ZNF347: variants seen among roughly 807,000 people sequenced by gnomAD.
The protein encoded by ZNF347 is CTD-2620I22.7.
Under a neutral mutation model 12.9 loss-of-function variants are expected in ZNF347, and 19 were observed. The ratio of observed to expected loss-of-function variants is 1.47; its 90% confidence interval spans 1.03 to 2.16. The LOEUF (loss-of-function observed/expected upper bound fraction) is 2.16, where lower values mean the gene tolerates loss of function less well. ZNF347 is among the 30% of genes most tolerant of loss of function. The pLI, the probability that ZNF347 is intolerant of heterozygous loss-of-function variation, is 0.00. For missense variants in ZNF347, 1,005 were observed against 990.6 expected, an observed-to-expected ratio of 1.01 and a Z score of -0.19; for synonymous variants, 328 against 340.6, an observed-to-expected ratio of 0.96 and a Z score of 0.41.
At chr19:53,147,999 G>GA (rs1263771946) in intron 4 of ZNF347, among the ~76,000 whole-genome samples, 2 of 152,204 alleles carry the variant, frequency 1.3e-5, no homozygotes, top group East Asian at 3.9e-4. Context: ...CTTGGGTACA[G>GA]AAAAAACATA....
Position 53,140,593 on chromosome 19 carries a change from G to C in ZNF347, c.2235C>G (p.Val745=). 2 of 1,613,648 alleles carry C rather than the reference G, an allele frequency of 1.2e-6. No homozygotes were observed. The highest frequency in any genetic ancestry group is 1.7e-6 in the Non-Finnish European group (2 of 1,179,904). ...TTGCAAGGTGTGAATTCTGAGTGAA[G>C]ACCTTCCCACACTCATTGCATTTGT... ...KPYKCNECGK[V]FTQNSHLARH... is the part of the protein sequence containing the mutation. Residue 745 remains valine (V), a synonymous_variant, in exon 5 of 5, where the codon GTC becomes GTG. Transcript: ENST00000334197.
chr19:53,149,574 T>C, intron 2 of ZNF347: 1 of 960,618 alleles, frequency 1.0e-6, no homozygotes. Flanking sequence ...TGTAAGCTAA[T>C]GAGATGACTG....
chr19:53,158,275 G>A (rs1268797016), intron 1 of ZNF347, among the ~76,000 whole-genome samples: 1 of 152,174 alleles, frequency 6.6e-6, no homozygotes, highest in Non-Finnish European at 1.5e-5. Context: ...GAGGTGGCGG[G>A]GCGACGGCGC....
Position 53,141,754 on chromosome 19 carries a change from T to G in ZNF347, c.1074A>C (p.Ser358=). ...GAATTCCTCGATGTCTTACAAGGTG[T>G]GAATTCTGAGTGAAGACCTTGCCAC... ...NECGKVFTQN[S]HLVRHRGIHT... The change falls in exon 5 of 5, where the codon TCA becomes TCC. Residue 358 remains serine (S), a synonymous_variant. Transcript: ENST00000334197. The G allele has an allele frequency of 6.2e-7, 1 of 1,613,818 alleles. No individual in the cohort carries two copies. Among genetic ancestry groups the G allele is most frequent in the Non-Finnish European group, 8.5e-7 (1 of 1,179,828 alleles).
rs201024154 is a variant in ZNF347, at chr19:53,141,886, T to G, written c.942A>C (p.Glu314Asp). ...LTTHQVIHTG[E>D]KRYKCNECGK... Reference sequence around the variant, plus strand: ...CACACTCATTACATTTGTAACGTTTTTCGCCAGTATGGATCACCTGATGGG... The same window carrying G: ...CACACTCATTACATTTGTAACGTTTGTCGCCAGTATGGATCACCTGATGGG... The change falls in exon 5 of 5, where the codon GAA becomes GAC. Residue 314 changes from glutamate (E) to aspartate (D), a missense_variant. Coordinates refer to ENST00000334197, the MANE Select transcript of ZNF347 (RefSeq NM_032584.3). The G allele has an allele frequency of 3.2e-5, 52 of 1,613,932 alleles. No homozygotes were observed. Among genetic ancestry groups the G allele is most frequent in the Non-Finnish European group, 4.0e-5 (47 of 1,179,970 alleles).
Position 53,138,977 on chromosome 19 carries a change from A to AC in ZNF347, c.*1330dup, listed in dbSNP as rs1395044522. 6.6e-6 allele frequency: 1 copy of AC among 152,104 alleles called. No individual in the cohort carries two copies. Among genetic ancestry groups the AC allele is most frequent in the African/African-American group, 2.4e-5 (1 of 41,402 alleles). 9.4% of individuals were successfully genotyped at this position (152,104 alleles called of 1,614,324 possible). A position where few individuals can be genotyped will look rare whatever the true frequency, so the allele number is the denominator to read the frequency against. On this transcript the variant is annotated 3_prime_UTR_variant, in exon 5 of 5. Coordinates refer to ENST00000334197, the MANE Select transcript of ZNF347 (RefSeq NM_032584.3). ...TCTGACCAAGCTCTCCACTCTAATA[A>AC]CTGTTACCTCTTCAATTTCAAAAAT... is the stretch of plus-strand genomic sequence containing the variant.
chr19:53,149,343 C>T lies in ZNF347; in HGVS notation c.40G>A (p.Ala14Thr), dbSNP rs770192350. ...TQGQVTFRDV[A>T]IEFSQEEWTC... ...CACTCCTCCTGAGAGAATTCTATAG[C>T]CACATCCCTGAATGTCACCTGTCCC... is the stretch of plus-strand genomic sequence containing the variant. Residue 14 changes from alanine (A) to threonine (T), a missense_variant, in exon 3 of 5, where the codon GCT becomes ACT. By Grantham distance (58) the Ala-to-Thr change is moderately conservative. Coordinates refer to ENST00000334197, the MANE Select transcript of ZNF347 (RefSeq NM_032584.3). 3 of 1,613,778 alleles carry T rather than the reference C, an allele frequency of 1.9e-6. No homozygotes were observed. In the African/African-American group the frequency reaches 4.0e-5, roughly 22 times the overall value.
Position 53,156,482 on chromosome 19 carries a change from C to G in ZNF347, c.-47+2527G>C, listed in dbSNP as rs113258353. 5.4e-3 allele frequency among the ~76,000 whole-genome samples: 816 copies of G among 152,142 alleles called. 8 individuals carry two copies. Among genetic ancestry groups the G allele is most frequent in the Non-Finnish European group, 6.1e-3 (417 of 68,010 alleles). ...CTAAAACTGCCCCTCACTTCAGACA[C>G]AGTATGCCAGTGGTAACTGTCACTT... On this transcript the variant is annotated intron_variant, in intron 1 of 4. Transcript: ENST00000334197.
In ZNF347 at chr19:53,141,116, C is replaced by T. The variant is rs377191852; in HGVS notation, c.1712G>A (p.Cys571Tyr). ...VIHTGEKPYK[C>Y]NECGKVFTQN... ...AGTGAAGACCTTGCCACACTCATTA[C>T]ATTTGTAAGGTTTTTCTCCAGTATG... Residue 571 changes from cysteine to tyrosine, a missense_variant, in exon 5 of 5, where the codon TGT (cysteine) becomes TAT (tyrosine). Cys to Tyr is a radical substitution (Grantham distance 194). Coordinates refer to ENST00000334197, the MANE Select transcript of ZNF347 (RefSeq NM_032584.3). The T allele has an allele frequency of 2.2e-5, 36 of 1,613,960 alleles. No homozygotes were observed. The highest frequency in any genetic ancestry group is 1.9e-5 in the Non-Finnish European group (23 of 1,180,034).
In ZNF347 at chr19:53,136,226, A is replaced by C. The variant is rs1287974735; in HGVS notation, c.*4082T>G. ...AATTGAACTAAAGATTTACAAGGAC[A>C]CTCCATTTTCCTATTTACAGAGAAC... On this transcript the variant is annotated 3_prime_UTR_variant, in exon 5 of 5. Transcript: ENST00000334197. 6.7e-6 allele frequency: 1 copy of C among 148,310 alleles called. No individual in the cohort carries two copies. Among genetic ancestry groups the C allele is most frequent in the Non-Finnish European group, 1.5e-5 (1 of 67,204 alleles). 9.2% of individuals were successfully genotyped at this position (148,310 alleles called of 1,614,324 possible). A position where few individuals can be genotyped will look rare whatever the true frequency, so the allele number is the denominator to read the frequency against.
At chr19:53,152,062 C>A in intron 2 of ZNF347, among the ~76,000 whole-genome samples, 1 of 121,628 alleles carries the variant, frequency 8.2e-6, no homozygotes, top group Admixed American at 1.0e-4. Flanking sequence ...CACTGCACTC[C>A]AGCCTGGGTG....
chr19:53,151,310 C>A (rs909328439), intron 2 of ZNF347, among the ~76,000 whole-genome samples: 1 of 151,940 alleles, frequency 6.6e-6, no homozygotes, highest in Admixed American at 6.6e-5. Context: ...TCGAGGCAGG[C>A]AGATCACGAG....
chr19:53,146,017 C>A (rs1455005022), intron 4 of ZNF347, among the ~76,000 whole-genome samples: 1 of 151,652 alleles, frequency 6.6e-6, no homozygotes, highest in Non-Finnish European at 1.5e-5. Flanking sequence ...CTCTTGTTGC[C>A]TGGGCTGGAA....
Position 53,149,387 on chromosome 19 carries a change from C to T in ZNF347, c.16-20G>A, listed in dbSNP as rs1440502865. 10 of 1,612,994 alleles carry T rather than the reference C, an allele frequency of 6.2e-6. No homozygotes were observed. Among genetic ancestry groups the T allele is most frequent in the Non-Finnish European group, 8.5e-6 (10 of 1,179,358 alleles). On this transcript the variant is annotated intron_variant, in intron 2 of 4. Transcript: ENST00000334197. ...CTGTCCCTAAAATGAAAAACACATCCACCAGGGGGATATAAGGAAAAGCTC... is the reference window on the plus strand; with the variant it reads ...CTGTCCCTAAAATGAAAAACACATCTACCAGGGGGATATAAGGAAAAGCTC...
chr19:53,157,002 G>A (rs1434801553), intron 1 of ZNF347, among the ~76,000 whole-genome samples: 2 of 152,194 alleles, frequency 1.3e-5, no homozygotes, highest in East Asian at 1.9e-4. Flanking sequence ...AGTGTGACAG[G>A]AAAGAAAATC....
intron 1 of ZNF347, among the ~76,000 whole-genome samples, chr19:53,157,309 A>C (rs1197900296): frequency 1.3e-5 from 2 of 152,300 alleles, no homozygotes; most frequent in East Asian, 1.9e-4. Flanking sequence ...TGTCATCATC[A>C]CATCTAATCA....
intron 1 of ZNF347, 74 bp from the exon 2 acceptor site, chr19:53,153,867 A>C: frequency 9.0e-7 from 1 of 1,112,012 alleles, no homozygotes; most frequent in South Asian, 1.3e-5. Flanking sequence ...CTCAGAATCA[A>C]CACATCCCCT....
At chr19:53,147,618 C>T (rs2090471623) in intron 4 of ZNF347, among the ~76,000 whole-genome samples, 1 of 151,680 alleles carries the variant, frequency 6.6e-6, no homozygotes, top group Non-Finnish European at 1.5e-5. Flanking sequence ...AATACTAATT[C>T]TACTCAAACC....
At chr19:53,142,622 A>G (rs1366338333) in intron 4 of ZNF347, 66 bp from the exon 5 acceptor site, 1 of 1,242,336 alleles carries the variant, frequency 8.0e-7, no homozygotes, top group Non-Finnish European at 1.1e-6. Flanking sequence ...TTTTACACCG[A>G]AAAACAATAT....
Sources: gnomAD v4.1 joint callset for allele counts (sites outside exome capture counted in the v4.1 genomes callset) on GRCh38, gnomAD v4.1.1 for gene constraint, MANE v1.5 for transcripts, NCBI Gene and HGNC (gene_info 2026-07-23, HGNC 2026-07-21) for gene names.